ZMYND11: variants seen among roughly 807,000 people sequenced by gnomAD.
ZMYND11 encodes zinc finger MYND domain-containing protein 11.
A neutral mutation model predicts 84.9 loss-of-function variants in ZMYND11; 9 were observed. That is an observed-to-expected ratio of 0.11 (90% CI 0.06 to 0.18). The LOEUF (loss-of-function observed/expected upper bound fraction) is 0.18, where lower values mean the gene tolerates loss of function less well. Among genes scored for constraint, ZMYND11 ranks in the 10% least tolerant of loss-of-function variants. The pLI, the probability that ZMYND11 is intolerant of heterozygous loss-of-function variation, is 1.00. For synonymous variants in ZMYND11, 250 were observed against 244.1 expected (o/e 1.02, Z -0.23); for missense variants, 409 against 761.0 (o/e 0.54, Z 5.44).
chr10:180,526 A>G (rs1847641001), intron 2 of ZMYND11, among the ~76,000 whole-genome samples: 1 of 152,132 alleles, frequency 6.6e-6, no homozygotes. Context: ...CAGCCTCCCA[A>G]GTAGCTGGGA....
At chr10:227,820 C>T (rs996205569) in intron 4 of ZMYND11, among the ~76,000 whole-genome samples, 3 of 151,966 alleles carry the variant, frequency 2.0e-5, no homozygotes, top group African/African-American at 7.3e-5. Context: ...TATTTTCACC[C>T]CAAATGTAAG....
chr10:196,257 A>T (rs936915220), intron 2 of ZMYND11, among the ~76,000 whole-genome samples: 4 of 152,174 alleles, frequency 2.6e-5, no homozygotes, highest in African/African-American at 9.6e-5. Flanking sequence ...GCTTCTAAAC[A>T]TTTCTGGTAA....
Position 252,034 on chromosome 10 carries a change from G to A in ZMYND11, c.1687-314G>A, listed in dbSNP as rs956263876. On this transcript the variant is annotated intron_variant, in intron 14 of 14. Transcript: ENST00000381604. The surrounding 1 kb of genome is among the most constrained non-coding windows in gnomAD (Gnocchi z 4.6). ...GCTTGTGGGGAGCAGAGAAATGCAA[G>A]TGGTAGCTGGAAAGGGATGTGAAGT... Among the ~76,000 whole-genome samples, 6 of 152,194 alleles carry A rather than the reference G, an allele frequency of 3.9e-5. No individual in the cohort carries two copies. Among genetic ancestry groups the A allele is most frequent in the Non-Finnish European group, 7.3e-5 (5 of 68,044 alleles).
chr10:213,727 T>C (rs1160701392), intron 3 of ZMYND11, among the ~76,000 whole-genome samples: 1 of 152,198 alleles, frequency 6.6e-6, no homozygotes, highest in South Asian at 2.1e-4. Flanking sequence ...GAGTCTGGAC[T>C]CTTGTCTTCA....
At chr10:215,316 T>C (rs1945987923) in intron 3 of ZMYND11, among the ~76,000 whole-genome samples, 1 of 152,058 alleles carries the variant, frequency 6.6e-6, no homozygotes, top group Admixed American at 6.5e-5. Flanking sequence ...GTTTAAAATA[T>C]TAAAAAGTGA....
chr10:247,344 A>G, intron 11 of ZMYND11, 54 bp from the exon 12 acceptor site: 1 of 1,587,398 alleles, frequency 6.3e-7, no homozygotes, highest in Admixed American at 1.7e-5. Context: ...TGTTTTCAGC[A>G]GAGAAGTATT....
At chr10:173,376 C>CA (rs1554766149) in intron 1 of ZMYND11, among the ~76,000 whole-genome samples, 1 of 152,028 alleles carries the variant, frequency 6.6e-6, no homozygotes, top group Non-Finnish European at 1.5e-5. Flanking sequence ...AAAATATTTG[C>CA]AAAAGACACA....
At chr10:133,624 A>G (rs560279991), upstream of ZMYND11, among the ~76,000 whole-genome samples, 2 of 152,330 alleles carry the variant, frequency 1.3e-5, no homozygotes, top group South Asian at 4.2e-4. Flanking sequence ...TCTAAAATAC[A>G]CAGAACCATG....
chr10:254,036 C>T lies in ZMYND11; in HGVS notation c.*1566C>T, dbSNP rs1474278963. 2 of 152,276 alleles carry T rather than the reference C, an allele frequency of 1.3e-5. No homozygotes were observed. Among genetic ancestry groups the T allele is most frequent in the Middle Eastern group, 3.2e-3 (1 of 316 alleles). 9.4% of individuals were successfully genotyped at this position (152,276 alleles called of 1,614,324 possible). On this transcript the variant is annotated 3_prime_UTR_variant, in exon 15 of 15. Transcript: ENST00000381604. ...AGTAGCCCCATTTCATACAATGTAC[C>T]TAAATTATGCAGTAACTTGGCATCA...
chr10:151,761 T>TG (rs1176649012), intron 1 of ZMYND11, among the ~76,000 whole-genome samples: 2 of 151,610 alleles, frequency 1.3e-5, no homozygotes, highest in African/African-American at 4.9e-5. Flanking sequence ...GACACATAAT[T>TG]GTCAGATTCA....
intron 2 of ZMYND11, among the ~76,000 whole-genome samples, chr10:187,280 T>C (rs1221037743): frequency 1.3e-5 from 2 of 152,072 alleles, no homozygotes; most frequent in Non-Finnish European, 2.9e-5. Flanking sequence ...TCCAAGAAGG[T>C]AGTAGGGAAG....
At chr10:209,347 C>T (rs921537194) in intron 2 of ZMYND11, among the ~76,000 whole-genome samples, 1 of 152,106 alleles carries the variant, frequency 6.6e-6, no homozygotes, top group South Asian at 2.1e-4. Flanking sequence ...CTGAAAATCA[C>T]GTTTTTGCCT....
chr10:210,997 A>G (rs1291461469), intron 3 of ZMYND11, among the ~76,000 whole-genome samples: 1 of 151,050 alleles, frequency 6.6e-6, no homozygotes, highest in Non-Finnish European at 1.5e-5. Context: ...CATCTCTACA[A>G]AAAAAAATAA....
intron 1 of ZMYND11, among the ~76,000 whole-genome samples, chr10:151,782 A>G (rs1342631959): frequency 6.6e-6 from 1 of 152,148 alleles, no homozygotes; most frequent in Non-Finnish European, 1.5e-5. Context: ...CCAAAGTTGA[A>G]ATGAAGGAAA....
upstream of ZMYND11, chr10:134,381 C>CT (rs1479669435): frequency 6.6e-6 from 1 of 152,178 alleles, no homozygotes; most frequent in Non-Finnish European, 1.5e-5. Context: ...TCAAAGTATG[C>CT]TTATCTCCGA....
chr10:252,571 G>C lies in ZMYND11; in HGVS notation c.*101G>C. 6.8e-7 allele frequency: 1 copy of C among 1,479,552 alleles called. No homozygotes were observed. The highest frequency in any genetic ancestry group is 9.0e-7 in the Non-Finnish European group (1 of 1,116,060). 91.7% of individuals were successfully genotyped at this position (1,479,552 alleles called of 1,614,324 possible). On this transcript the variant is annotated 3_prime_UTR_variant, in exon 15 of 15. Coordinates refer to ENST00000381604, the MANE Select transcript of ZMYND11 (RefSeq NM_001370100.5). The surrounding 1 kb of genome is among the most constrained non-coding windows in gnomAD (Gnocchi z 4.6). ...TTGTTTAGAATTTGCTTCCCATTTT[G>C]CACCAGCCTTTAAACACTTTTCGTG...
intron 1 of ZMYND11, among the ~76,000 whole-genome samples, chr10:176,243 ATTAAAG>A (rs1846592070): frequency 1.3e-5 from 2 of 152,136 alleles, no homozygotes; most frequent in South Asian, 4.1e-4. Context: ...CTAGGGGCTT[ATTAAAG>A]TTACTCAGAA....
In ZMYND11 at chr10:206,026, T is replaced by TG. The variant is rs202161210; in HGVS notation, c.117-3863_117-3862insG. Among the ~76,000 whole-genome samples the TG allele has an allele frequency of 1.7e-3, 260 of 151,314 alleles. 2 individuals carry two copies. The highest frequency in any genetic ancestry group is 5.0e-3 in the Admixed American group (76 of 15,208). ...CTGTCCTAAGGTTGTTTTTTTTTTT[T>TG]TTTTGTTTCAGAATAAATCAACTAG... On this transcript the variant is annotated intron_variant, in intron 2 of 14. Coordinates refer to ENST00000381604, the MANE Select transcript of ZMYND11 (RefSeq NM_001370100.5).
At chr10:144,823 T>A (rs755012713) in intron 1 of ZMYND11, among the ~76,000 whole-genome samples, 6 of 150,308 alleles carry the variant, frequency 4.0e-5, no homozygotes, top group Middle Eastern at 3.5e-3. Flanking sequence ...AGTGGTGAAG[T>A]ATGAGATTTT....
Sources: allele counts gnomAD v4.1 joint callset (sites outside exome capture counted in the v4.1 genomes callset), GRCh38; gene constraint gnomAD v4.1.1; non-coding constraint Gnocchi (gnomAD v3.1); transcripts MANE v1.5; gene names NCBI Gene and HGNC (gene_info 2026-07-23, HGNC 2026-07-21).